DNAI4: variants seen among roughly 807,000 people sequenced by gnomAD.
The protein encoded by DNAI4 is WD repeat domain 78.
A neutral mutation model predicts 105.8 loss-of-function variants in DNAI4; 85 were observed. The ratio of observed to expected loss-of-function variants is 0.80; its 90% CI spans 0.67 to 0.96. The LOEUF is 0.96. Ranked by LOEUF, DNAI4 falls within the 40% of genes least tolerant of loss-of-function variation. DNAI4 has a pLI of 0.00. For missense variants in DNAI4, 1,014 were observed against 1,005.6 expected (o/e 1.01, Z -0.11); for synonymous variants, 352 against 331.5 (o/e 1.06, Z -0.67).
chr1:66,841,260 G>T (rs1425908848), intron 8 of DNAI4, among the ~76,000 whole-genome samples: 2 of 152,196 alleles, frequency 1.3e-5, no homozygotes, highest in African/African-American at 4.8e-5. Flanking sequence ...CAGGGCTAAA[G>T]AATTGATATA....
At chr1:66,881,959 C>T (rs1647081213) in intron 4 of DNAI4, among the ~76,000 whole-genome samples, 1 of 152,154 alleles carries the variant, frequency 6.6e-6, no homozygotes, top group Admixed American at 6.5e-5. Flanking sequence ...CTCAAGAGAT[C>T]TGATGGTTTT....
chr1:66,871,589 TAA>T, intron 5 of DNAI4, 80 bp from the exon 6 acceptor site: 1 of 1,337,152 alleles, frequency 7.5e-7, no homozygotes, highest in Non-Finnish European at 9.9e-7. Context: ...TTCTTTTCCC[TAA>T]AATTACTTTC....
intron 4 of DNAI4, among the ~76,000 whole-genome samples, chr1:66,879,937 CAT>C (rs796360194): frequency 8.0e-5 from 12 of 150,196 alleles, no homozygotes; most frequent in African/African-American, 2.0e-4. Context: ...ACAGTTCCCA[CAT>C]GTCATGGGAG....
chr1:66,912,324 C>G (rs1649720573), intron 1 of DNAI4, among the ~76,000 whole-genome samples: 6 of 151,920 alleles, frequency 3.9e-5, no homozygotes, highest in Admixed American at 3.3e-4. Context: ...AAAAAATTAG[C>G]TGAGTGTGGT....
chr1:66,835,512 T>G (rs911807820), intron 11 of DNAI4, 114 bp downstream of exon 11: 3 of 1,100,066 alleles, frequency 2.7e-6, no homozygotes, highest in Non-Finnish European at 3.9e-6. Flanking sequence ...GTTTCAAAAA[T>G]AATGGTATCA....
chr1:66,836,321 A>AGGG (rs1646025236), intron 10 of DNAI4, among the ~76,000 whole-genome samples: 1 of 140,470 alleles, frequency 7.1e-6, no homozygotes, highest in Non-Finnish European at 1.6e-5. Context: ...AGAAAGAAAG[A>AGGG]AAGAAGGAAA....
intron 13 of DNAI4, among the ~76,000 whole-genome samples, chr1:66,830,941 C>A (rs529398733): frequency 3.1e-4 from 43 of 140,276 alleles, no homozygotes; most frequent in African/African-American, 1.1e-3. Context: ...CATACCACTG[C>A]ACTCCAGCCT....
intron 16 of DNAI4, among the ~76,000 whole-genome samples, chr1:66,815,865 CA>C (rs1253842841): frequency 6.6e-6 from 1 of 152,200 alleles, no homozygotes; most frequent in African/African-American, 2.4e-5. Context: ...CTGTTCATGC[CA>C]GACGTTAGGC....
At chr1:66,819,797 A>G (rs935780080) in intron 16 of DNAI4, among the ~76,000 whole-genome samples, 1 of 152,150 alleles carries the variant, frequency 6.6e-6, no homozygotes, top group Non-Finnish European at 1.5e-5. Context: ...AAAATTTTCA[A>G]ACAACTCAAA....
chr1:66,839,700 CT>C (rs1200823328), intron 9 of DNAI4, among the ~76,000 whole-genome samples: 2 of 152,094 alleles, frequency 1.3e-5, no homozygotes, highest in Non-Finnish European at 2.9e-5. Context: ...ATAATTATCT[CT>C]TTTTTACAAC....
rs1248555430 is a variant in DNAI4, at chr1:66,813,198, C to T, written c.*932G>A. On this transcript the variant is annotated 3_prime_UTR_variant, in exon 17 of 17. Transcript: ENST00000371026. ...GAGAGTTTAGTGAATTTCATATGCC[C>T]TATCGTCTCCTCTCCACTTAGAATG... 7 of 152,220 alleles carry T rather than the reference C, an allele frequency of 4.6e-5. No individual in the cohort carries two copies. 9.4% of individuals were successfully genotyped at this position (152,220 alleles called of 1,614,324 possible).
Position 66,814,156 on chromosome 1 carries a change from C to T in DNAI4, c.2521G>A (p.Gly841Arg). ...TATGCTGATTGGTTTGACTTGGATC[C>T]AAGCAAAGTATCCATTATATCTCCC... ...GRGDIMDTLL[G>R]SKSNQSA Residue 841 changes from glycine to arginine, a missense_variant, in exon 17 of 17, where the codon GGA becomes AGA. Transcript: ENST00000371026. 1 of 1,587,500 alleles carries T rather than the reference C, an allele frequency of 6.3e-7. No homozygotes were observed.
chr1:66,848,032 T>G (rs887264389), intron 7 of DNAI4: 3 of 369,170 alleles, frequency 8.1e-6, no homozygotes, highest in Non-Finnish European at 1.6e-5. Flanking sequence ...ACTATTGTAT[T>G]AAGTTTTCTC....
chr1:66,836,169 A>AAAGAAAGAAAGAAAG (rs1645987354), intron 10 of DNAI4, among the ~76,000 whole-genome samples: 1 of 53,338 alleles, frequency 1.9e-5, no homozygotes, highest in African/African-American at 6.5e-5. Context: ...AGAAAGAAAG[A>AAAGAAAGAAAGAAAG]AAGAAAGAAA....
chr1:66,906,891 A>G (rs188887859), intron 1 of DNAI4: 6 of 152,232 alleles, frequency 3.9e-5, no homozygotes, highest in Admixed American at 2.0e-4. Flanking sequence ...TTTCTCAGTA[A>G]AAGAGTTGCC....
intron 7 of DNAI4, among the ~76,000 whole-genome samples, chr1:66,853,165 T>C (rs1194649008): frequency 2.0e-5 from 3 of 152,174 alleles, no homozygotes; most frequent in African/African-American, 7.2e-5. Context: ...ATTATTCTCC[T>C]AACAAGAAGC....
At chr1:66,903,340 C>G (rs1166922624) in intron 2 of DNAI4, among the ~76,000 whole-genome samples, 1 of 152,020 alleles carries the variant, frequency 6.6e-6, no homozygotes, top group African/African-American at 2.4e-5. Context: ...TTTGGAAATT[C>G]ATTGTTAGAA....
chr1:66,836,292 GA>G (rs1557908961), intron 10 of DNAI4, among the ~76,000 whole-genome samples: 1 of 149,436 alleles, frequency 6.7e-6, no homozygotes, highest in Non-Finnish European at 1.5e-5. Context: ...AAGAAAGAAA[GA>G]AAGAAAGAAA....
chr1:66,922,878 T>C (rs1650601974), intron 1 of DNAI4, among the ~76,000 whole-genome samples: 3 of 152,202 alleles, frequency 2.0e-5, no homozygotes, highest in African/African-American at 7.2e-5. Flanking sequence ...ATCTGTTTTC[T>C]TGGGAGAGGT....
Sources: gnomAD v4.1 joint callset for allele counts (sites outside exome capture counted in the v4.1 genomes callset) on GRCh38, gnomAD v4.1.1 for gene constraint, MANE v1.5 for transcripts, NCBI Gene and HGNC (gene_info 2026-07-23, HGNC 2026-07-21) for gene names.